The following UTRN variants were observed in gnomAD, a reference collection of about 807,000 sequenced individuals.
UTRN encodes utrophin, also known as dystrophin-related protein 1.
A neutral mutation model predicts 463.9 loss-of-function variants in UTRN; 283 were observed. That is an observed-to-expected ratio of 0.61 (90% CI 0.55 to 0.67). The LOEUF is 0.67. Among genes scored for constraint, UTRN ranks in the 30% least tolerant of loss-of-function variants. The pLI, the probability that UTRN is intolerant of heterozygous loss-of-function variation, is 0.00. For synonymous variants in UTRN, 1,442 were observed against 1,431.5 expected (o/e 1.01, Z -0.17); for missense variants, 3,922 against 4,084.3 (o/e 0.96, Z 1.08).
rs17073678 is a variant in UTRN at position 144,332,804 on chromosome 6, T to C, written c.79+40897T>C. Among the ~76,000 whole-genome samples, 1,310 of 152,200 alleles carry C rather than the reference T, an allele frequency of 8.6e-3. 90 individuals carry two copies. In the East Asian group the frequency reaches 0.17, roughly 20 times the overall value. ...AATTTTGGTGATTTACTCTTATCTG[T>C]GCTTTGAACACTTTATTCTTATAAT... On this transcript the variant is annotated intron_variant, in intron 2 of 74. Transcript: ENST00000367545.
chr6:144,424,819 C>T (rs573070992), intron 6 of UTRN, among the ~76,000 whole-genome samples: 19 of 152,200 alleles, frequency 1.2e-4, no homozygotes, highest in South Asian at 4.1e-4. Context: ...TATTTTCTAA[C>T]GCCATGGCAT....
chr6:144,749,435 C>T (rs1791139318), intron 55 of UTRN, among the ~76,000 whole-genome samples: 1 of 152,150 alleles, frequency 6.6e-6, no homozygotes. Context: ...GGAGTCACAC[C>T]TGCCAACAGA....
In UTRN at chr6:144,332,248, C is replaced by G. The variant is rs577895947; in HGVS notation, c.79+40341C>G. Among the ~76,000 whole-genome samples the G allele has an allele frequency of 5.3e-5, 8 of 152,260 alleles. No individual in the cohort carries two copies. In the East Asian group the frequency reaches 1.2e-3, roughly 22 times the overall value. On this transcript the variant is annotated intron_variant, in intron 2 of 74. Coordinates refer to ENST00000367545, the MANE Select transcript of UTRN (RefSeq NM_007124.3). ...TGTTTACTTTAGTGTTGATAGGTCC[C>G]CAAGACTGTGCTCTCCATATGGGCA...
chr6:144,593,417 G>T (rs1019842477), intron 51 of UTRN, among the ~76,000 whole-genome samples: 2 of 151,704 alleles, frequency 1.3e-5, no homozygotes, highest in African/African-American at 4.8e-5. Flanking sequence ...ATGAAAGAAG[G>T]ATTGGCCTGT....
At chr6:144,366,459 T>A (rs1779514969) in intron 2 of UTRN, among the ~76,000 whole-genome samples, 1 of 152,214 alleles carries the variant, frequency 6.6e-6, no homozygotes, top group South Asian at 2.1e-4. Context: ...GTCCATGTGT[T>A]TTCATCATTT....
chr6:144,337,496 T>C (rs552324205), intron 2 of UTRN, among the ~76,000 whole-genome samples: 7 of 152,234 alleles, frequency 4.6e-5, no homozygotes, highest in Non-Finnish European at 1.0e-4. Flanking sequence ...GGTGTCTTTG[T>C]CTGTTTCCAC....
At chr6:144,778,706 A>G (rs910066940) in intron 60 of UTRN, among the ~76,000 whole-genome samples, 1 of 152,152 alleles carries the variant, frequency 6.6e-6, no homozygotes, top group Non-Finnish European at 1.5e-5. Flanking sequence ...TTGGATGCTT[A>G]ACAGTGTTCA....
chr6:144,529,364 G>A (rs1350648588), intron 41 of UTRN, among the ~76,000 whole-genome samples: 1 of 152,164 alleles, frequency 6.6e-6, no homozygotes, highest in East Asian at 1.9e-4. Context: ...AGTTTTCCTG[G>A]TATGTTCCTG....
At position 144,554,834 on chromosome 6, in the gene UTRN, C is replaced by T; in HGVS notation, c.7075C>T (p.Leu2359Phe). 6.2e-7 allele frequency: 1 copy of T among 1,613,956 alleles called. No individual in the cohort carries two copies. Among genetic ancestry groups the T allele is most frequent in the Non-Finnish European group, 8.5e-7 (1 of 1,179,958 alleles). The change falls in exon 49 of 75, where the codon CTC becomes TTC. Residue 2359 changes from leucine (L) to phenylalanine (F), a missense_variant. Around this residue, in one of 3 missense-constraint regions of UTRN, gnomAD observed 1,309 missense variants for 1,452.6 expected, o/e 0.90. Transcript: ENST00000367545. ...ACTGATGAGAAAATATGAGGCTCGA[C>T]TCTATATTCTTCAGCAAGCCCGACG... ...EELMRKYEAR[L>F]YILQQARRDP... is the part of the protein sequence containing the mutation.
intron 51 of UTRN, among the ~76,000 whole-genome samples, chr6:144,635,020 G>T (rs1179852685): frequency 6.6e-6 from 1 of 151,986 alleles, no homozygotes; most frequent in Non-Finnish European, 1.5e-5. Flanking sequence ...CTCTTGAGTA[G>T]AACTGCTAGG....
At position 144,522,824 on chromosome 6, in the gene UTRN, G is replaced by T. The variant is rs1460058847; in HGVS notation, c.5734-192G>T. Among the ~76,000 whole-genome samples, 4 of 151,134 alleles carry T rather than the reference G, an allele frequency of 2.6e-5. No individual in the cohort carries two copies. In the East Asian group the frequency reaches 7.7e-4, roughly 29 times the overall value. On this transcript the variant is annotated intron_variant, in intron 40 of 74. Transcript: ENST00000367545. ...TTTCCTGCCTTGAGTATATTATGTA[G>T]CATATTCCACACACTTTGGTTAAAA...
chr6:144,376,144 TC>T (rs944547250), intron 2 of UTRN, among the ~76,000 whole-genome samples: 12 of 152,090 alleles, frequency 7.9e-5, no homozygotes, highest in African/African-American at 2.7e-4. Flanking sequence ...GCACCACTAT[TC>T]CCAGTTGCTT....
Position 144,479,821 on chromosome 6 carries a change from C to G in UTRN, c.3346C>G (p.Gln1116Glu), listed in dbSNP as rs1459789582. 1.9e-6 allele frequency: 3 copies of G among 1,612,486 alleles called. No individual in the cohort carries two copies. Among genetic ancestry groups the G allele is most frequent in the Non-Finnish European group, 2.5e-6 (3 of 1,179,428 alleles). ...LEKLSKEIAT[Q>E]KSRLSESQEK... ...GGCTTTTCCTTTGTAGATCGCTACT[C>G]AAAAAAGTAGGTTGTCTGAAAGTCA... Residue 1116 changes from glutamine (Q) to glutamate (E), a missense_variant, in exon 26 of 75, where the codon CAA becomes GAA. Physicochemically the swap from Gln to Glu is conservative, Grantham distance 29. Around this residue, in one of 3 missense-constraint regions of UTRN, gnomAD observed 2,349 missense variants for 2,303.8 expected, o/e 1.02. Transcript: ENST00000367545.
chr6:144,598,297 T>C (rs1452910450), intron 51 of UTRN, among the ~76,000 whole-genome samples: 1 of 152,206 alleles, frequency 6.6e-6, no homozygotes, highest in Non-Finnish European at 1.5e-5. Context: ...TTGAAGTGGC[T>C]TCCATGTCGT....
chr6:144,737,470 T>C (rs900121231), intron 54 of UTRN, among the ~76,000 whole-genome samples: 3 of 151,942 alleles, frequency 2.0e-5, no homozygotes, highest in Non-Finnish European at 4.4e-5. Context: ...ACTGAAGCTG[T>C]GAATTATGGT....
intron 50 of UTRN, among the ~76,000 whole-genome samples, chr6:144,567,443 T>C (rs1024675571): frequency 6.6e-6 from 1 of 152,110 alleles, no homozygotes; most frequent in African/African-American, 2.4e-5. Context: ...TCTGTGGTCT[T>C]GACTATTTAT....
At position 144,559,677 on chromosome 6, in the gene UTRN, C is replaced by T. The variant is rs368916986; in HGVS notation, c.7289+2366C>T. Among the ~76,000 whole-genome samples the T allele has an allele frequency of 1.2e-4, 19 of 152,124 alleles. No homozygotes were observed. The East Asian group carries it at 1.4e-3, about 11-fold the overall frequency. On this transcript the variant is annotated intron_variant, in intron 50 of 74. Transcript: ENST00000367545. ...GTTTCTCAACCTTTCTTTACATTAT[C>T]GCTTCCCTAAGGAGCCTGTGTAGAC...
At chr6:144,705,567 A>G (rs1456014430) in intron 53 of UTRN, among the ~76,000 whole-genome samples, 1 of 152,292 alleles carries the variant, frequency 6.6e-6, no homozygotes, top group Non-Finnish European at 1.5e-5. Context: ...TACTGATCCC[A>G]TTGATGACAG....
At chr6:144,411,260 A>T (rs1783872680) in intron 3 of UTRN, among the ~76,000 whole-genome samples, 1 of 152,178 alleles carries the variant, frequency 6.6e-6, no homozygotes, top group Non-Finnish European at 1.5e-5. Context: ...TTCATGCAGG[A>T]GTGAAGTGGT....
Sources: allele counts gnomAD v4.1 joint callset (sites outside exome capture counted in the v4.1 genomes callset), GRCh38; gene constraint gnomAD v4.1.1; regional missense constraint gnomAD v4.1.1; transcripts MANE v1.5; gene names NCBI Gene and HGNC (gene_info 2026-07-23, HGNC 2026-07-21).